RFC1: variants seen among roughly 807,000 people sequenced by gnomAD.
RFC1 encodes the protein replication factor C subunit 1.
In RFC1, 37 loss-of-function variants were observed where a neutral mutation model predicts 137.4. That is an observed-to-expected ratio of 0.27 (90% CI 0.21 to 0.35). The LOEUF (loss-of-function observed/expected upper bound fraction) is 0.35. RFC1 is among the 10% of genes least tolerant of loss of function. The pLI is 1.00. For missense variants in RFC1, 1,205 were observed against 1,358.5 expected, an observed-to-expected ratio of 0.89 and a Z score of 1.78; for synonymous variants, 429 against 455.7, an observed-to-expected ratio of 0.94 and a Z score of 0.75.
intron 4 of RFC1, among the ~76,000 whole-genome samples, chr4:39,334,296 C>T (rs562879349): frequency 6.6e-6 from 1 of 152,226 alleles, no homozygotes; most frequent in African/African-American, 2.4e-5. Flanking sequence ...CTTGATGAAA[C>T]CAGAAAACTT....
intron 13 of RFC1, 25 bp downstream of exon 13, chr4:39,308,611 A>G: frequency 6.3e-7 from 1 of 1,594,584 alleles, no homozygotes; most frequent in South Asian, 1.1e-5. Context: ...CACACACACA[A>G]AAATGAGTGA....
chr4:39,327,858 A>G (rs1739859670), intron 4 of RFC1, 102 bp from the exon 5 acceptor site: 3 of 862,342 alleles, frequency 3.5e-6, no homozygotes, highest in Non-Finnish European at 5.2e-6. Context: ...GAGGCTAGAC[A>G]TGGTGGCTCA....
At chr4:39,357,326 T>C (rs1741525716) in intron 1 of RFC1, among the ~76,000 whole-genome samples, 2 of 152,212 alleles carry the variant, frequency 1.3e-5, no homozygotes, top group Non-Finnish European at 2.9e-5. Flanking sequence ...TCTGAAGTCA[T>C]AATATTTACT....
rs1230415909 is a variant in RFC1 at position 39,291,731 on chromosome 4, T to C, written c.3076A>G (p.Thr1026Ala). ...AAGTCTTCTTTCATCAAATAATATG[T>C]GTCCATAAGTGCAACAACATCCTGT... ...GVQDVVALMD[T>A]YYLMKEDFEN... The change falls in exon 23 of 25, where the codon ACA (threonine) becomes GCA (alanine). Residue 1026 changes from threonine (T) to alanine (A), a missense_variant. Physicochemically the swap from Thr to Ala is moderately conservative, Grantham distance 58 (BLOSUM62 0). Transcript: ENST00000349703. 1 of 1,613,924 alleles carries C rather than the reference T, an allele frequency of 6.2e-7. No homozygotes were observed. Among genetic ancestry groups the C allele is most frequent in the Non-Finnish European group, 8.5e-7 (1 of 1,179,826 alleles).
chr4:39,341,206 T>C (rs1010767854), intron 4 of RFC1, among the ~76,000 whole-genome samples: 2 of 152,184 alleles, frequency 1.3e-5, no homozygotes, highest in African/African-American at 4.8e-5. Context: ...ACTTTGACGT[T>C]TTTCAGGGTG....
At chr4:39,294,928 C>T (rs1019864212) in intron 22 of RFC1, among the ~76,000 whole-genome samples, 2 of 152,080 alleles carry the variant, frequency 1.3e-5, no homozygotes, top group South Asian at 2.1e-4. Context: ...CACTTAAACC[C>T]GGAGGTGGAG....
intron 4 of RFC1, 144 bp downstream of exon 4, chr4:39,342,201 C>G (rs1740633038): frequency 2.1e-6 from 2 of 960,354 alleles, no homozygotes; most frequent in African/African-American, 1.7e-5. Context: ...AAAGATGATC[C>G]CAGCCTTCCC....
At chr4:39,320,015 G>A (rs1045028811) in intron 9 of RFC1, among the ~76,000 whole-genome samples, 1 of 152,102 alleles carries the variant, frequency 6.6e-6, no homozygotes, top group Non-Finnish European at 1.5e-5. Context: ...AACTTCAGAA[G>A]GCAAAACCAT....
intron 6 of RFC1, 93 bp from the exon 7 acceptor site, chr4:39,323,510 T>C: frequency 9.9e-7 from 1 of 1,011,134 alleles, no homozygotes; most frequent in Non-Finnish European, 1.5e-6. Context: ...TAGAAGAAAC[T>C]AGAAAAACAT....
At chr4:39,318,155 T>A (rs1193122602) in intron 9 of RFC1, 3 of 9,864 alleles carry the variant, frequency 3.0e-4, no homozygotes, top group African/African-American at 4.2e-4. Flanking sequence ...AGACTCCGTC[T>A]CAAAAAAAAA....
At chr4:39,312,123 A>G (rs1738989012) in intron 11 of RFC1, among the ~76,000 whole-genome samples, 1 of 152,206 alleles carries the variant, frequency 6.6e-6, no homozygotes, top group Non-Finnish European at 1.5e-5. Flanking sequence ...AGCTCTTATG[A>G]CATACTTGCC....
chr4:39,289,057 T>A (rs887475603), intron 24 of RFC1, among the ~76,000 whole-genome samples: 1 of 152,220 alleles, frequency 6.6e-6, no homozygotes, highest in Non-Finnish European at 1.5e-5. Context: ...GTAAAAACTT[T>A]TAGTTTAGAA....
intron 12 of RFC1, among the ~76,000 whole-genome samples, chr4:39,310,850 G>C (rs183396287): frequency 5.3e-5 from 8 of 152,220 alleles, no homozygotes; most frequent in African/African-American, 1.7e-4. Flanking sequence ...TAAAGTCAAC[G>C]TGAGAATATG....
At chr4:39,337,565 A>G (rs1194944359) in intron 4 of RFC1, among the ~76,000 whole-genome samples, 1 of 152,064 alleles carries the variant, frequency 6.6e-6, no homozygotes, top group Non-Finnish European at 1.5e-5. Context: ...ATTTTAGTGT[A>G]CAAATTATTG....
intron 10 of RFC1, among the ~76,000 whole-genome samples, chr4:39,313,348 T>G (rs1248068202): frequency 6.6e-6 from 1 of 152,250 alleles, no homozygotes; most frequent in African/African-American, 2.4e-5. Context: ...CAACAAGAAT[T>G]TAATAGAAGC....
chr4:39,305,556 C>T (rs1379364278), intron 14 of RFC1, among the ~76,000 whole-genome samples: 7 of 151,930 alleles, frequency 4.6e-5, no homozygotes, highest in East Asian at 3.9e-4. Flanking sequence ...TGCAGTGAAC[C>T]GAGACCGTGC....
rs1366688994 is a variant in RFC1 at position 39,310,395 on chromosome 4, G to C, written c.1488+1050C>G. On this transcript the variant is annotated intron_variant, in intron 12 of 24. Transcript: ENST00000349703. Reference sequence around the variant, plus strand: ...AATACGGCATCAATGTTAATTTCCTGGTTTTTATAACTATGCTATGGTTAT... The same window carrying C: ...AATACGGCATCAATGTTAATTTCCTCGTTTTTATAACTATGCTATGGTTAT... Among the ~76,000 whole-genome samples the C allele has an allele frequency of 4.6e-5, 7 of 152,148 alleles. No individual in the cohort carries two copies. In the South Asian group the frequency reaches 1.0e-3, roughly 22 times the overall value.
intron 1 of RFC1, among the ~76,000 whole-genome samples, chr4:39,362,518 C>G (rs1043450643): frequency 6.6e-6 from 1 of 152,064 alleles, no homozygotes; most frequent in African/African-American, 2.4e-5. Flanking sequence ...GACAAGGGTG[C>G]CAAGATAATT....
chr4:39,315,944 T>A (rs959540110), intron 10 of RFC1, among the ~76,000 whole-genome samples: 1 of 152,186 alleles, frequency 6.6e-6, no homozygotes, highest in African/African-American at 2.4e-5. Context: ...TTAAAATTCC[T>A]TCTCGGCCGG....
Sources: gnomAD v4.1 joint callset for allele counts (sites outside exome capture counted in the v4.1 genomes callset) on GRCh38, gnomAD v4.1.1 for gene constraint, MANE v1.5 for transcripts, NCBI Gene and HGNC (gene_info 2026-07-23, HGNC 2026-07-21) for gene names.